RASGEF1A: variants seen among roughly 807,000 people sequenced by gnomAD.
The protein encoded by RASGEF1A is RasGEF domain family member 1A.
In RASGEF1A, 18 loss-of-function variants were observed where a neutral mutation model predicts 56.4. That is an observed-to-expected ratio of 0.32 (90% CI 0.22 to 0.47). RASGEF1A has a LOEUF of 0.47. Among genes scored for constraint, RASGEF1A ranks in the 20% least tolerant of loss-of-function variants. RASGEF1A has a pLI of 1.00. For missense variants in RASGEF1A, 422 were observed against 627.1 expected (o/e 0.67, Z 3.49); for synonymous variants, 245 against 242.6 (o/e 1.01, Z -0.09).
rs1031918962 is a variant in RASGEF1A at position 43,195,469 on chromosome 10, A to T, written c.*775T>A. 1.3e-5 allele frequency: 2 copies of T among 152,228 alleles called. No individual in the cohort carries two copies. The highest frequency in any genetic ancestry group is 4.8e-5 in the African/African-American group (2 of 41,430). The allele number at this position is 152,228 out of a possible 1,614,324, so 9.4% of individuals were successfully genotyped here. A position where few individuals can be genotyped will look rare whatever the true frequency, so the allele number is the denominator to read the frequency against. Reference sequence around the variant, plus strand: ...TTCATCACAGCTCAGTGTGTCTTTCAGTCACAGCCCAGAAAACTGACAACT... The same window carrying T: ...TTCATCACAGCTCAGTGTGTCTTTCTGTCACAGCCCAGAAAACTGACAACT... On this transcript the variant is annotated 3_prime_UTR_variant, in exon 13 of 13. Transcript: ENST00000395810. This position sits in a 1 kb window ranked among gnomAD's most constrained non-coding sequence, Gnocchi z 4.2.
chr10:43,229,815 T>C, intron 1 of RASGEF1A: 1 of 1,129,722 alleles, frequency 8.9e-7, no homozygotes, highest in Non-Finnish European at 1.1e-6. Flanking sequence ...ACCGAGGGGC[T>C]GGGCTGGGGA....
In RASGEF1A at chr10:43,196,182, C is replaced by A; in HGVS notation, c.*62G>T. The A allele has an allele frequency of 6.5e-7, 1 of 1,547,120 alleles. No homozygotes were observed. Among genetic ancestry groups the A allele is most frequent in the South Asian group, 1.1e-5 (1 of 87,408 alleles). On this transcript the variant is annotated 3_prime_UTR_variant, in exon 13 of 13. Coordinates refer to ENST00000395810, the MANE Select transcript of RASGEF1A (RefSeq NM_145313.4). This position sits in a 1 kb window ranked among gnomAD's most constrained non-coding sequence, Gnocchi z 4.6. The stretch of plus-strand genomic sequence containing the variant: ...GAGGCCTCCTCATCTCAACCCACAT[C>A]AGTCAAAATTTAAACCCAGTTAGTG...
chr10:43,252,305 G>A (rs1840635018), intron 1 of RASGEF1A, among the ~76,000 whole-genome samples: 1 of 152,186 alleles, frequency 6.6e-6, no homozygotes, highest in South Asian at 2.1e-4. Flanking sequence ...GTGCACCCCA[G>A]AAGGAGCAGA....
chr10:43,229,230 C>T (rs546250960), intron 1 of RASGEF1A, among the ~76,000 whole-genome samples: 93 of 152,316 alleles, frequency 6.1e-4, no homozygotes, highest in African/African-American at 2.1e-3. Context: ...AATAAGCGCG[C>T]CCGCGCTTCC....
chr10:43,250,421 G>T (rs7067798), intron 1 of RASGEF1A, among the ~76,000 whole-genome samples: 41,462 of 152,220 alleles, frequency 0.27, 6,695 homozygotes, highest in African/African-American at 0.44. Context: ...ACCCAGGACA[G>T]TGCCAATTCC....
At position 43,242,602 on chromosome 10, in the gene RASGEF1A, G is replaced by A. The variant is rs12265984; in HGVS notation, c.-7+24243C>T. Among the ~76,000 whole-genome samples the A allele has an allele frequency of 2.4e-3, 370 of 152,134 alleles. 2 individuals carry two copies. Among genetic ancestry groups the A allele is most frequent in the African/African-American group, 8.4e-3 (347 of 41,490 alleles). On this transcript the variant is annotated intron_variant, in intron 1 of 12. Transcript: ENST00000395810. The stretch of plus-strand genomic sequence containing the variant: ...GCCTGGACTGTACTGCCATGATCTC[G>A]GCTCGCTGCAACCTCCCTGCCTTGG...
At chr10:43,225,285 TTC>T (rs1221346780) in intron 1 of RASGEF1A, among the ~76,000 whole-genome samples, 2 of 140,166 alleles carry the variant, frequency 1.4e-5, no homozygotes, top group African/African-American at 5.3e-5. Flanking sequence ...GTCTGTGTGT[TTC>T]TGTGTGTCTG....
At chr10:43,210,064 T>A (rs970168599) in intron 1 of RASGEF1A, among the ~76,000 whole-genome samples, 1 of 152,232 alleles carries the variant, frequency 6.6e-6, no homozygotes, top group Non-Finnish European at 1.5e-5. Flanking sequence ...CCAGGCCTGC[T>A]GGGTCACATC....
chr10:43,240,821 T>C (rs907181815), intron 1 of RASGEF1A, among the ~76,000 whole-genome samples: 1 of 152,166 alleles, frequency 6.6e-6, no homozygotes, highest in Non-Finnish European at 1.5e-5. Flanking sequence ...ATGGCTAAAA[T>C]TTTCTAAGTT....
intron 1 of RASGEF1A, among the ~76,000 whole-genome samples, chr10:43,265,792 C>T (rs1037496951): frequency 6.6e-6 from 1 of 152,216 alleles, no homozygotes; most frequent in East Asian, 1.9e-4. Context: ...GGTGGACAGG[C>T]TGGGCTGGCA....
chr10:43,265,356 G>A (rs1157786016), intron 1 of RASGEF1A, among the ~76,000 whole-genome samples: 1 of 152,248 alleles, frequency 6.6e-6, no homozygotes, highest in Non-Finnish European at 1.5e-5. Context: ...GGCATGTGCA[G>A]GAGGACACAG....
chr10:43,218,896 A>G (rs1467062800), intron 1 of RASGEF1A, among the ~76,000 whole-genome samples: 3 of 152,226 alleles, frequency 2.0e-5, no homozygotes, highest in Admixed American at 1.3e-4. Flanking sequence ...ATTACCCAAT[A>G]CAATTTGAAT....
At chr10:43,258,498 A>T (rs1273777546) in intron 1 of RASGEF1A, among the ~76,000 whole-genome samples, 1 of 152,208 alleles carries the variant, frequency 6.6e-6, no homozygotes, top group Non-Finnish European at 1.5e-5. Flanking sequence ...TCTGCGCTTG[A>T]CACCAGAGGA....
chr10:43,259,303 G>C (rs1006042029), intron 1 of RASGEF1A, among the ~76,000 whole-genome samples: 2 of 152,144 alleles, frequency 1.3e-5, no homozygotes, highest in African/African-American at 4.8e-5. Flanking sequence ...TCTTTTCTGG[G>C]GGTAGTAGCA....
intron 1 of RASGEF1A, among the ~76,000 whole-genome samples, chr10:43,212,664 T>C (rs1840084214): frequency 6.6e-6 from 1 of 152,212 alleles, no homozygotes; most frequent in Non-Finnish European, 1.5e-5. Flanking sequence ...AGGGCGTGCT[T>C]CAGTGCAAGT....
rs535557121 is a variant in RASGEF1A, at chr10:43,203,807, G to A, written c.199-387C>T. On this transcript the variant is annotated intron_variant, in intron 2 of 12. Coordinates refer to ENST00000395810, the MANE Select transcript of RASGEF1A (RefSeq NM_145313.4). Reference sequence around the variant, plus strand: ...GCTGTTTCAGATCCTCGTGGGCCGAGCTGGAGGTCAGCGGTGGGGAGGGTG... The same window carrying A: ...GCTGTTTCAGATCCTCGTGGGCCGAACTGGAGGTCAGCGGTGGGGAGGGTG... 42 of 1,025,002 alleles carry A rather than the reference G, an allele frequency of 4.1e-5. No homozygotes were observed. The South Asian group carries it at 1.1e-3, about 28-fold the overall frequency. 63.5% of individuals were successfully genotyped at this position (1,025,002 alleles called of 1,614,324 possible). A position where few individuals can be genotyped will look rare whatever the true frequency, so the allele number is the denominator to read the frequency against.
At position 43,228,291 on chromosome 10, in the gene RASGEF1A, C is replaced by T. The variant is rs573036235; in HGVS notation, c.-6-22169G>A. ...CCTTCAGCAGGTCCTGTGCACACGT[C>T]TCCTCTGGCCACCATACCTAAGGCA... On this transcript the variant is annotated intron_variant, in intron 1 of 12. Coordinates refer to ENST00000395810, the MANE Select transcript of RASGEF1A (RefSeq NM_145313.4). Among the ~76,000 whole-genome samples, 20 of 152,324 alleles carry T rather than the reference C, an allele frequency of 1.3e-4. No homozygotes were observed. In the South Asian group the frequency reaches 3.9e-3, roughly 30 times the overall value.
intron 1 of RASGEF1A, chr10:43,207,790 A>G (rs765982361): frequency 1.8e-5 from 14 of 767,996 alleles, no homozygotes; most frequent in Admixed American, 1.3e-4. Flanking sequence ...CTGTACCCCA[A>G]CGCGCTCTCC....
Position 43,263,691 on chromosome 10 carries a change from C to T in RASGEF1A, c.-7+3154G>A, listed in dbSNP as rs573718817. On this transcript the variant is annotated intron_variant, in intron 1 of 12. Transcript: ENST00000395810. ...CGGCAGCTCAGCCCCTACCCCAGCC[C>T]GGGCAGTGCCCAGGGCAGGGCGGGC... Among the ~76,000 whole-genome samples, 10 of 152,268 alleles carry T rather than the reference C, an allele frequency of 6.6e-5. No individual in the cohort carries two copies. The East Asian group carries it at 9.7e-4, about 15-fold the overall frequency.
Sources: gnomAD v4.1 joint callset for allele counts (sites outside exome capture counted in the v4.1 genomes callset) on GRCh38, gnomAD v4.1.1 for gene constraint, Gnocchi (gnomAD v3.1) non-coding constraint, MANE v1.5 for transcripts, NCBI Gene and HGNC (gene_info 2026-07-23, HGNC 2026-07-21) for gene names.